Variants in NARS2 observed in about 807,000 individuals in gnomAD.
NARS2 encodes asparaginyl-tRNA synthetase 2, mitochondrial.
A neutral mutation model predicts 62.9 loss-of-function variants in NARS2; 60 were observed. That is an observed-to-expected ratio of 0.95 (90% CI 0.77 to 1.18). The LOEUF (loss-of-function observed/expected upper bound fraction) is 1.18. Ranked by LOEUF, NARS2 falls within the 50% of genes most tolerant of loss-of-function variation. The probability of loss-of-function intolerance (pLI) is 0.00; values close to 1 mark genes in which losing one functional copy is unlikely to be tolerated. For missense variants in NARS2, 619 were observed against 576.4 expected (o/e 1.07, Z -0.76); for synonymous variants, 196 against 200.0 (o/e 0.98, Z 0.17).
intron 7 of NARS2, among the ~76,000 whole-genome samples, chr11:78,481,850 T>TG (rs1859369503): frequency 6.6e-6 from 1 of 152,196 alleles, no homozygotes; most frequent in African/African-American, 2.4e-5. Flanking sequence ...AGATTACTTT[T>TG]GGGGACAGCA....
At chr11:78,476,715 A>G (rs764125243) in intron 9 of NARS2, among the ~76,000 whole-genome samples, 2 of 152,078 alleles carry the variant, frequency 1.3e-5, no homozygotes, top group Admixed American at 1.3e-4. Flanking sequence ...GATTATGACA[A>G]TGACAATGAT....
chr11:78,460,882 A>G (rs912955538), intron 11 of NARS2, among the ~76,000 whole-genome samples: 2 of 152,238 alleles, frequency 1.3e-5, no homozygotes, highest in Non-Finnish European at 2.9e-5. Context: ...AGATGGTTGT[A>G]TCTGTAACTA....
chr11:78,573,945 A>G (rs182772503), intron 1 of NARS2, among the ~76,000 whole-genome samples: 1 of 152,352 alleles, frequency 6.6e-6, no homozygotes, highest in Admixed American at 6.5e-5. Flanking sequence ...CATGGTTTGA[A>G]CAAGTATTTG....
chr11:78,536,342 T>C (rs1183707503), intron 5 of NARS2, among the ~76,000 whole-genome samples: 1 of 152,214 alleles, frequency 6.6e-6, no homozygotes, highest in Admixed American at 6.5e-5. Context: ...CAGGCAAGTC[T>C]TTCAGGAGGT....
chr11:78,514,993 C>G (rs1011561740), intron 6 of NARS2, among the ~76,000 whole-genome samples: 1 of 152,164 alleles, frequency 6.6e-6, no homozygotes, highest in African/African-American at 2.4e-5. Flanking sequence ...AAGGAAGAAT[C>G]ATGAAGGGGG....
chr11:78,449,137 T>G (rs897166666), intron 11 of NARS2, among the ~76,000 whole-genome samples: 10 of 144,906 alleles, frequency 6.9e-5, no homozygotes, highest in Admixed American at 1.4e-4. Context: ...AAAAATGTTT[T>G]TTTTTTTTTT....
intron 3 of NARS2, 140 bp from the exon 4 acceptor site, chr11:78,566,412 T>A (rs1856746506): frequency 4.7e-6 from 3 of 643,186 alleles, no homozygotes; most frequent in Non-Finnish European, 7.3e-6. Context: ...TAACTGATTT[T>A]AATCCACATT....
intron 6 of NARS2, among the ~76,000 whole-genome samples, chr11:78,500,166 G>A (rs1860229903): frequency 6.6e-6 from 1 of 152,150 alleles, no homozygotes; most frequent in African/African-American, 2.4e-5. Context: ...CTCAAGTCCT[G>A]TCCAGATGAC....
intron 5 of NARS2, among the ~76,000 whole-genome samples, chr11:78,540,210 G>C (rs1300026523): frequency 6.6e-6 from 1 of 152,204 alleles, no homozygotes; most frequent in East Asian, 1.9e-4. Context: ...TTTTTAATGT[G>C]TGTATCCCAG....
chr11:78,574,571 T>G lies in NARS2; in HGVS notation c.-83A>C. 6.9e-7 allele frequency: 1 copy of G among 1,448,326 alleles called. No homozygotes were observed. The allele number at this position is 1,448,326 out of a possible 1,614,324, so 89.7% of individuals were successfully genotyped here. On this transcript the variant is annotated 5_prime_UTR_variant, in exon 1 of 14. Transcript: ENST00000281038. ...CCTGCAGCGGCCCTCCTTTCTCAGC[T>G]GCTCCCCTTCCGCGGCCGCAGCTCT... is the stretch of plus-strand genomic sequence containing the variant.
intron 9 of NARS2, among the ~76,000 whole-genome samples, chr11:78,474,865 T>C (rs1458499600): frequency 6.6e-6 from 1 of 152,236 alleles, no homozygotes; most frequent in Non-Finnish European, 1.5e-5. Context: ...CACTGTGGGA[T>C]GAATATATCA....
intron 5 of NARS2, among the ~76,000 whole-genome samples, chr11:78,549,229 G>C (rs1409219633): frequency 6.6e-6 from 1 of 152,220 alleles, no homozygotes; most frequent in Non-Finnish European, 1.5e-5. Context: ...TTCCATGCCA[G>C]GAGAGACAAG....
In NARS2 at chr11:78,574,445, G is replaced by A. The variant is rs901853447; in HGVS notation, c.44C>T (p.Ser15Phe). The A allele has an allele frequency of 1.1e-5, 17 of 1,613,808 alleles. No individual in the cohort carries two copies. The highest frequency in any genetic ancestry group is 3.3e-5 in the South Asian group (3 of 91,082). Residue 15 changes from serine (S) to phenylalanine (F), a missense_variant, in exon 1 of 14, where the codon TCC becomes TTC. By Grantham distance (155) the Ser-to-Phe change is radical. Coordinates refer to ENST00000281038, the MANE Select transcript of NARS2 (RefSeq NM_024678.6). ...RCLLRSVRFCSSAPFPKHKPS... is the reference protein window; with the variant it reads ...RCLLRSVRFCFSAPFPKHKPS... The stretch of plus-strand genomic sequence containing the variant: ...TTTGTGCTTGGGGAAGGGGGCGGAG[G>A]AACAGAAGCGCACGGACCGCAGCAG...
At chr11:78,436,958 C>CA in intron 13 of NARS2, 144 bp from the exon 14 acceptor site, 1 of 767,824 alleles carries the variant, frequency 1.3e-6, no homozygotes, top group Non-Finnish European at 2.1e-6. Context: ...CCTCCACAGA[C>CA]AGACAATGGA....
At chr11:78,527,040 G>A (rs1231307191) in intron 6 of NARS2, among the ~76,000 whole-genome samples, 2 of 152,106 alleles carry the variant, frequency 1.3e-5, no homozygotes, top group African/African-American at 4.8e-5. Flanking sequence ...TAAATAACCC[G>A]TATTAAGTGA....
chr11:78,467,170 G>T (rs953733121), intron 10 of NARS2, among the ~76,000 whole-genome samples: 1 of 152,176 alleles, frequency 6.6e-6, no homozygotes, highest in East Asian at 1.9e-4. Flanking sequence ...AACTGGAATA[G>T]GAAAAGAGTT....
intron 6 of NARS2, among the ~76,000 whole-genome samples, chr11:78,505,150 T>G (rs1273545597): frequency 6.6e-6 from 1 of 151,474 alleles, no homozygotes; most frequent in Non-Finnish European, 1.5e-5. Flanking sequence ...CCAGGAGTGG[T>G]AGCTCATGTC....
At chr11:78,483,326 C>T (rs560378368) in intron 7 of NARS2, among the ~76,000 whole-genome samples, 23 of 152,250 alleles carry the variant, frequency 1.5e-4, no homozygotes, top group Admixed American at 2.0e-4. Context: ...TGAAAACTGG[C>T]ACAAGACAAG....
At chr11:78,533,183 A>C (rs1861542694) in intron 5 of NARS2, 1 of 152,168 alleles carries the variant, frequency 6.6e-6, no homozygotes, top group Non-Finnish European at 1.5e-5. Context: ...CTCGCTGAAG[A>C]CTGCAGAAGC....
Sources: gnomAD v4.1 joint callset for allele counts (sites outside exome capture counted in the v4.1 genomes callset) on GRCh38, gnomAD v4.1.1 for gene constraint, MANE v1.5 for transcripts, NCBI Gene and HGNC (gene_info 2026-07-23, HGNC 2026-07-21) for gene names.